The following RPS6KA4 variants were observed in gnomAD, a reference collection of about 807,000 sequenced individuals.
RPS6KA4 encodes the protein ribosomal protein S6 kinase alpha-4.
RPS6KA4 carries 38 observed loss-of-function variants against 89.6 expected under a neutral mutation model. That is an observed-to-expected ratio of 0.42 (90% CI 0.33 to 0.56). The LOEUF (loss-of-function observed/expected upper bound fraction) is 0.56, where lower values mean the gene tolerates loss of function less well. RPS6KA4 is among the 20% of genes least tolerant of loss of function. The pLI, the probability that RPS6KA4 is intolerant of heterozygous loss-of-function variation, is 0.07. For missense variants in RPS6KA4, 873 were observed against 1,098.8 expected, an observed-to-expected ratio of 0.79 and a Z score of 2.90; for synonymous variants, 495 against 492.8, an observed-to-expected ratio of 1.00 and a Z score of -0.06.
rs777766293 is a variant in RPS6KA4 at position 64,365,379 on chromosome 11, G to A, written c.985G>A (p.Gly329Ser). Reference protein sequence around the residue: ...RPQIRSELDVGNFAEEFTRLE... With the variant: ...RPQIRSELDVSNFAEEFTRLE... ...CCAAATCCGCTCAGAGCTGGATGTG[G>A]GCAACTTTGCGGAGGAATTCACTCG... Residue 329 changes from glycine (G) to serine (S), a missense_variant, in exon 9 of 17, where the codon GGC becomes AGC. Physicochemically the swap from Gly to Ser is moderately conservative, Grantham distance 56. This residue lies in a region of RPS6KA4 where 542 missense variants were observed against 736.4 expected (regional missense o/e 0.74). Transcript: ENST00000334205. The A allele has an allele frequency of 6.2e-7, 1 of 1,614,096 alleles. No individual in the cohort carries two copies. The highest frequency in any genetic ancestry group is 2.2e-5 in the East Asian group (1 of 44,882).
At position 64,371,609 on chromosome 11, in the gene RPS6KA4, C is replaced by G; in HGVS notation, c.*129C>G. On this transcript the variant is annotated 3_prime_UTR_variant, in exon 17 of 17. Transcript: ENST00000334205. ...TCCTTTCCTCTCCTACCCCACCCCA[C>G]TCCCAGACAGAGCAGAAGTATTTTT... 1.8e-6 allele frequency: 1 copy of G among 568,366 alleles called. No individual in the cohort carries two copies. The highest frequency in any genetic ancestry group is 3.3e-5 in the Admixed American group (1 of 30,660). 35.2% of individuals were successfully genotyped at this position (568,366 alleles called of 1,614,324 possible). A position where few individuals can be genotyped will look rare whatever the true frequency, so the allele number is the denominator to read the frequency against.
rs2036964342 is a variant in RPS6KA4, at chr11:64,368,763, A to C, written c.1394A>C (p.Asn465Thr). The C allele has an allele frequency of 6.4e-7, 1 of 1,571,580 alleles. No individual in the cohort carries two copies. Among genetic ancestry groups the C allele is most frequent in the African/African-American group, 1.4e-5 (1 of 73,970 alleles). ...CTGCGCCTGTGCCAGTCACACCCCA[A>C]CGTGGTGAATCTGCACGAGGTGCAT... ...AALRLCQSHP[N>T]VVNLHEVHHD... The change falls in exon 12 of 17, where the codon AAC becomes ACC. Residue 465 changes from asparagine to threonine, a missense_variant. Coordinates refer to ENST00000334205, the MANE Select transcript of RPS6KA4 (RefSeq NM_003942.3).
chr11:64,362,634 G>A (rs2036785083), intron 8 of RPS6KA4, among the ~76,000 whole-genome samples: 1 of 152,178 alleles, frequency 6.6e-6, no homozygotes, highest in African/African-American at 2.4e-5. Flanking sequence ...CTGTGTGTCG[G>A]CCCTTTGCGG....
In RPS6KA4 at chr11:64,361,848, C is replaced by G. The variant is rs1203684741; in HGVS notation, c.756-4C>G. Reference sequence around the variant, plus strand: ...TGCCCCTGACACCCCCCCAATCCTCCCAGACGGATCCTGAAGTGCTCCCCT... The same window carrying G: ...TGCCCCTGACACCCCCCCAATCCTCGCAGACGGATCCTGAAGTGCTCCCCT... On this transcript the variant is annotated splice_polypyrimidine_tract_variant and splice_region_variant and intron_variant, in intron 7 of 16. Coordinates refer to ENST00000334205, the MANE Select transcript of RPS6KA4 (RefSeq NM_003942.3). The surrounding 1 kb of genome is among the most constrained non-coding windows in gnomAD (Gnocchi z 4.7). 2 of 1,611,214 alleles carry G rather than the reference C, an allele frequency of 1.2e-6. No homozygotes were observed. Among genetic ancestry groups the G allele is most frequent in the Non-Finnish European group, 1.7e-6 (2 of 1,179,278 alleles).
Position 64,370,838 on chromosome 11 carries a change from G to T in RPS6KA4, c.2121+112G>T, listed in dbSNP as rs2037047162. 1.5e-6 allele frequency: 2 copies of T among 1,313,652 alleles called. No individual in the cohort carries two copies. Among genetic ancestry groups the T allele is most frequent in the Admixed American group, 5.7e-5 (2 of 34,928 alleles). The allele number at this position is 1,313,652 out of a possible 1,614,324, so 81.4% of individuals were successfully genotyped here. A position where few individuals can be genotyped will look rare whatever the true frequency, so the allele number is the denominator to read the frequency against. ...AGGCGAGGTGAGGCCGGGCGCGGTG[G>T]CTCACGCCTGTAATCCCAGCGCTTT... On this transcript the variant is annotated intron_variant, in intron 16 of 16. Coordinates refer to ENST00000334205, the MANE Select transcript of RPS6KA4 (RefSeq NM_003942.3). This position sits in a 1 kb window ranked among gnomAD's most constrained non-coding sequence, Gnocchi z 4.1.
chr11:64,359,209 C>T lies in RPS6KA4; in HGVS notation c.-27C>T. 1 of 1,290,282 alleles carries T rather than the reference C, an allele frequency of 7.8e-7. No individual in the cohort carries two copies. Among genetic ancestry groups the T allele is most frequent in the Non-Finnish European group, 9.9e-7 (1 of 1,010,810 alleles). 79.9% of individuals were successfully genotyped at this position (1,290,282 alleles called of 1,614,324 possible). ...AACCGGCGCCGCCCGGAGCCCGAGC[C>T]GCGCGGGCCCCAGCGACCCGCCCGC... On this transcript the variant is annotated 5_prime_UTR_variant, in exon 1 of 17. Transcript: ENST00000334205.
chr11:64,365,923 C>T (rs992053606), intron 9 of RPS6KA4, among the ~76,000 whole-genome samples: 2 of 151,936 alleles, frequency 1.3e-5, no homozygotes, highest in African/African-American at 4.8e-5. Flanking sequence ...CCTGTAATCC[C>T]AGCTACTCGG....
intron 8 of RPS6KA4, among the ~76,000 whole-genome samples, chr11:64,363,317 G>T (rs1339754877): frequency 2.0e-5 from 3 of 152,082 alleles, no homozygotes; most frequent in African/African-American, 7.2e-5. Flanking sequence ...CCTTTGCACG[G>T]GGTGGGGAAA....
chr11:64,370,293 C>G lies in RPS6KA4; in HGVS notation c.1866C>G (p.Ala622=), dbSNP rs769565998. 1 of 1,591,006 alleles carries G rather than the reference C, an allele frequency of 6.3e-7. No homozygotes were observed. The highest frequency in any genetic ancestry group is 1.9e-5 in the Admixed American group (1 of 51,404). ...ASGQGGQSQA[A]EIMCKIREGR... ...GCCAGGGCGGGCAGAGCCAGGCGGC[C>G]GAGATCATGTGCAAAATCCGCGAGG... The change falls in exon 15 of 17, where the codon GCC becomes GCG. Residue 622 remains alanine, a synonymous_variant. Transcript: ENST00000334205. The surrounding 1 kb of genome is among the most constrained non-coding windows in gnomAD (Gnocchi z 4.1).
rs146485043 is a variant in RPS6KA4, at chr11:64,370,333, G to T, written c.1906G>T (p.Asp636Tyr). The change falls in exon 15 of 17, where the codon GAC (aspartate) becomes TAC (tyrosine). Residue 636 changes from aspartate (D) to tyrosine (Y), a missense_variant. By Grantham distance (160) the Asp-to-Tyr change is radical. Around this residue, in one of 4 missense-constraint regions of RPS6KA4, gnomAD observed 278 missense variants for 284.8 expected, o/e 0.98. Transcript: ENST00000334205. This position sits in a 1 kb window ranked among gnomAD's most constrained non-coding sequence, Gnocchi z 4.1. ...CKIREGRFSLDGEAWQGVSEE... is the reference protein window; with the variant it reads ...CKIREGRFSLYGEAWQGVSEE... ...AATCCGCGAGGGGCGCTTCTCCCTTGACGGGGAGGCCTGGCAGGGTGTATC... is the reference window on the plus strand; with the variant it reads ...AATCCGCGAGGGGCGCTTCTCCCTTTACGGGGAGGCCTGGCAGGGTGTATC... The T allele has an allele frequency of 1.9e-4, 298 of 1,605,004 alleles. No individual in the cohort carries two copies. Among genetic ancestry groups the T allele is most frequent in the Non-Finnish European group, 2.4e-4 (282 of 1,177,404 alleles).
chr11:64,363,045 A>G (rs2036795737), intron 8 of RPS6KA4, among the ~76,000 whole-genome samples: 1 of 152,220 alleles, frequency 6.6e-6, no homozygotes, highest in South Asian at 2.1e-4. Flanking sequence ...TACTTTGTCC[A>G]GGAAGTGATG....
rs1207243390 is a variant in RPS6KA4, at chr11:64,370,278, G to A, written c.1851G>A (p.Gly617=). The A allele has an allele frequency of 6.3e-7, 1 of 1,588,452 alleles. No individual in the cohort carries two copies. Among genetic ancestry groups the A allele is most frequent in the Non-Finnish European group, 8.5e-7 (1 of 1,172,850 alleles). The stretch of plus-strand genomic sequence containing the variant: ...TCCAGGGGGCCTCTGGCCAGGGCGG[G>A]CAGAGCCAGGCGGCCGAGATCATGT... ...VPFQGASGQG[G]QSQAAEIMCK... Residue 617 remains glycine (G), a synonymous_variant, in exon 15 of 17, where the codon GGG becomes GGA. Transcript: ENST00000334205. This position sits in a 1 kb window ranked among gnomAD's most constrained non-coding sequence, Gnocchi z 4.1.
chr11:64,368,672 GCGA>G, intron 11 of RPS6KA4, 29 bp from the exon 12 acceptor site: 1 of 1,573,416 alleles, frequency 6.4e-7, no homozygotes, highest in Middle Eastern at 1.7e-4. Flanking sequence ...CCGAAGCGCG[GCGA>G]CCGTAACTCC....
At chr11:64,369,159 C>G (rs1403404480) in intron 12 of RPS6KA4, among the ~76,000 whole-genome samples, 1 of 152,106 alleles carries the variant, frequency 6.6e-6, no homozygotes, top group African/African-American at 2.4e-5. Flanking sequence ...GACGCGGTGG[C>G]GTGCGCCTGT....
chr11:64,365,404 G>A lies in RPS6KA4; in HGVS notation c.1010G>A (p.Arg337Gln), dbSNP rs780440960. 9.3e-6 allele frequency: 15 copies of A among 1,613,940 alleles called. No individual in the cohort carries two copies. The highest frequency in any genetic ancestry group is 1.6e-4 in the Middle Eastern group (1 of 6,084). ...DVGNFAEEFT[R>Q]LEPVYSPPGS... The stretch of plus-strand genomic sequence containing the variant: ...GGCAACTTTGCGGAGGAATTCACTC[G>A]GCTGGAGCCTGTCTACTCACCCCCT... The change falls in exon 9 of 17, where the codon CGG becomes CAG. Residue 337 changes from arginine to glutamine, a missense_variant. This residue lies in a region of RPS6KA4 where 542 missense variants were observed against 736.4 expected (regional missense o/e 0.74). Coordinates refer to ENST00000334205, the MANE Select transcript of RPS6KA4 (RefSeq NM_003942.3).
rs144214742 is a variant in RPS6KA4 at position 64,368,572 on chromosome 11, G to A, written c.1305G>A (p.Gln435=). The A allele has an allele frequency of 2.7e-3, 4,264 of 1,600,408 alleles. 10 individuals are homozygous for A. The highest frequency in any genetic ancestry group is 3.4e-3 in the Non-Finnish European group (3,994 of 1,175,854). ...CRRCRQRQSG[Q]EFAVKILSRR... is the part of the protein sequence containing the mutation. ...GCTGCCGCCAGCGCCAGAGCGGCCA[G>A]GAGTTCGCAGTCAAGATCCTCAGTC... The change falls in exon 11 of 17, where the codon CAG becomes CAA. Residue 435 remains glutamine (Q), a synonymous_variant. Coordinates refer to ENST00000334205, the MANE Select transcript of RPS6KA4 (RefSeq NM_003942.3).
At chr11:64,365,595 C>A in intron 9 of RPS6KA4, 130 bp downstream of exon 9, 1 of 960,962 alleles carries the variant, frequency 1.0e-6, no homozygotes, top group African/African-American at 1.6e-5. Context: ...CCCTAGACGT[C>A]GCCACTTCAG....
intron 9 of RPS6KA4, among the ~76,000 whole-genome samples, chr11:64,367,395 C>G (rs1359024203): frequency 1.1e-4 from 17 of 152,240 alleles, no homozygotes; most frequent in Non-Finnish European, 1.5e-5. Context: ...ACCGCAACCT[C>G]TGCCTCCCGG....
chr11:64,361,522 C>G lies in RPS6KA4; in HGVS notation c.624C>G (p.Ile208Met). Reference sequence around the variant, plus strand: ...CCATCGAGTACATGGCCCCCGAAATCATCCGTAGCAAGACGGGGCATGGCA... The same window carrying G: ...CCATCGAGTACATGGCCCCCGAAATGATCCGTAGCAAGACGGGGCATGGCA... Reference protein sequence around the residue: ...CGTIEYMAPEIIRSKTGHGKA... With the variant: ...CGTIEYMAPEMIRSKTGHGKA... The change falls in exon 6 of 17, where the codon ATC becomes ATG. Residue 208 changes from isoleucine (I) to methionine (M), a missense_variant. Physicochemically the swap from Ile to Met is conservative, Grantham distance 10. Transcript: ENST00000334205. The surrounding 1 kb of genome is among the most constrained non-coding windows in gnomAD (Gnocchi z 4.7). 6.2e-7 allele frequency: 1 copy of G among 1,614,098 alleles called. No individual in the cohort carries two copies. Among genetic ancestry groups the G allele is most frequent in the Non-Finnish European group, 8.5e-7 (1 of 1,180,024 alleles).
Sources: gnomAD v4.1 joint callset for allele counts (sites outside exome capture counted in the v4.1 genomes callset) on GRCh38, gnomAD v4.1.1 for gene constraint, gnomAD v4.1.1 regional missense constraint, Gnocchi (gnomAD v3.1) non-coding constraint, MANE v1.5 for transcripts, NCBI Gene and HGNC (gene_info 2026-07-23, HGNC 2026-07-21) for gene names.